Variants in ZNF787 observed in about 807,000 individuals in gnomAD.
ZNF787 encodes zinc finger protein 787.
A neutral mutation model predicts 16.9 loss-of-function variants in ZNF787; 7 were observed. The ratio of observed to expected loss-of-function variants is 0.42; its 90% CI spans 0.24 to 0.78. The LOEUF (loss-of-function observed/expected upper bound fraction) is 0.78, where lower values mean the gene tolerates loss of function less well. ZNF787 is among the 30% of genes least tolerant of loss of function. ZNF787 has a pLI of 0.30. For missense variants in ZNF787, 551 were observed against 589.3 expected (o/e 0.94, Z 0.67); for synonymous variants, 345 against 270.9 (o/e 1.27, Z -2.69).
At chr19:56,093,458 C>G (rs1000831436) in intron 2 of ZNF787, among the ~76,000 whole-genome samples, 10 of 152,142 alleles carry the variant, frequency 6.6e-5, no homozygotes, top group African/African-American at 2.4e-4. Context: ...CTGTGCTGCA[C>G]GCACCGTCCT....
chr19:56,107,151 C>T (rs1986355480), intron 1 of ZNF787, among the ~76,000 whole-genome samples: 1 of 152,084 alleles, frequency 6.6e-6, no homozygotes. Flanking sequence ...AGATTGGGGT[C>T]CATGATAGCC....
intron 2 of ZNF787, among the ~76,000 whole-genome samples, chr19:56,101,432 G>A (rs909562853): frequency 6.6e-6 from 1 of 152,252 alleles, no homozygotes; most frequent in Non-Finnish European, 1.5e-5. Context: ...GGGCTGGGCA[G>A]GGCAGCGGGC....
At chr19:56,119,816 G>A (rs962243992) in intron 1 of ZNF787, among the ~76,000 whole-genome samples, 1 of 152,258 alleles carries the variant, frequency 6.6e-6, no homozygotes, top group African/African-American at 2.4e-5. Context: ...CTGCGCAGAG[G>A]CAGGCAGGTG....
intron 1 of ZNF787, among the ~76,000 whole-genome samples, chr19:56,112,894 C>G (rs2123426931): frequency 6.7e-6 from 1 of 148,758 alleles, no homozygotes; most frequent in African/African-American, 2.5e-5. Context: ...CACCCCACCC[C>G]CTCCAGCACG....
At chr19:56,119,136 C>T (rs1404084276) in intron 1 of ZNF787, among the ~76,000 whole-genome samples, 2 of 152,172 alleles carry the variant, frequency 1.3e-5, no homozygotes, top group Non-Finnish European at 2.9e-5. Flanking sequence ...CACCACTCTA[C>T]CTTGTGCTTG....
chr19:56,112,564 C>A (rs1020742736), intron 1 of ZNF787, among the ~76,000 whole-genome samples: 3 of 151,572 alleles, frequency 2.0e-5, no homozygotes, highest in South Asian at 2.1e-4. Context: ...CTCCTCCCCC[C>A]GCACTCTCGG....
intron 2 of ZNF787, chr19:56,101,531 A>C (rs549853989): frequency 6.6e-6 from 1 of 152,422 alleles, no homozygotes; most frequent in African/African-American, 2.4e-5. Flanking sequence ...CTCAAAGACA[A>C]GCATTTTGGA....
chr19:56,103,274 G>A, intron 1 of ZNF787, 47 bp from the exon 2 acceptor site: 2 of 1,490,412 alleles, frequency 1.3e-6, no homozygotes, highest in South Asian at 2.7e-5. Flanking sequence ...TGGGGTGCCA[G>A]GCTGCACCGA....
chr19:56,093,505 G>A (rs1025123291), intron 2 of ZNF787, among the ~76,000 whole-genome samples: 2 of 152,110 alleles, frequency 1.3e-5, no homozygotes, highest in African/African-American at 4.8e-5. Flanking sequence ...CATCCCCTCC[G>A]TCAGGTGCAG....
At chr19:56,090,579 T>C (rs1985536254) in intron 2 of ZNF787, among the ~76,000 whole-genome samples, 1 of 152,020 alleles carries the variant, frequency 6.6e-6, no homozygotes, top group Admixed American at 6.6e-5. Context: ...CCCAGCACTT[T>C]AGGAGGCCGA....
intron 2 of ZNF787, chr19:56,101,650 A>G (rs1986102551): frequency 6.6e-6 from 1 of 152,126 alleles, no homozygotes; most frequent in South Asian, 2.1e-4. Flanking sequence ...TCTTTTTTTC[A>G]AGGAGTCCTT....
Position 56,088,205 on chromosome 19 carries a change from C to T in ZNF787, c.967G>A (p.Gly323Arg). The change falls in exon 3 of 3, where the codon GGG (glycine) becomes AGG (arginine). Residue 323 changes from glycine to arginine, a missense_variant. Physicochemically the swap from Gly to Arg is moderately radical, Grantham distance 125. Around this residue, in one of 4 missense-constraint regions of ZNF787, gnomAD observed 392 missense variants for 312.7 expected, o/e 1.25. Transcript: ENST00000610935. This position sits in a 1 kb window ranked among gnomAD's most constrained non-coding sequence, Gnocchi z 8.6. Reference sequence around the variant, plus strand: ...GCGGCGCCCTGCACGAAGCCCTCCCCGCACTCCACGCAGATGTGGGCCGGC... The same window carrying T: ...GCGGCGCCCTGCACGAAGCCCTCCCTGCACTCCACGCAGATGTGGGCCGGC... ...EEPAHICVECGEGFVQGAALR... is the reference protein window; with the variant it reads ...EEPAHICVECREGFVQGAALR... 6.5e-7 allele frequency: 1 copy of T among 1,530,330 alleles called. No individual in the cohort carries two copies. The highest frequency in any genetic ancestry group is 8.7e-7 in the Non-Finnish European group (1 of 1,144,778). The allele number at this position is 1,530,330 out of a possible 1,614,324, so 94.8% of individuals were successfully genotyped here. A position where few individuals can be genotyped will look rare whatever the true frequency, so the allele number is the denominator to read the frequency against.
At position 56,088,309 on chromosome 19, in the gene ZNF787, C is replaced by A. The variant is rs1985419080; in HGVS notation, c.863G>T (p.Gly288Val). ...KPYVCLECGK[G>V]FGHGAGLLAH... ...CAGGAGCCCGGCCCCGTGCCCGAAG[C>A]CCTTCCCGCACTCCAGACACACGTA... is the stretch of plus-strand genomic sequence containing the variant. Residue 288 changes from glycine to valine, a missense_variant, in exon 3 of 3, where the codon GGC becomes GTC. By Grantham distance (109) the Gly-to-Val change is moderately radical. Around this residue, in one of 4 missense-constraint regions of ZNF787, gnomAD observed 392 missense variants for 312.7 expected, o/e 1.25. Transcript: ENST00000610935. This position sits in a 1 kb window ranked among gnomAD's most constrained non-coding sequence, Gnocchi z 8.6. 1.5e-6 allele frequency: 2 copies of A among 1,333,070 alleles called. No individual in the cohort carries two copies. Among genetic ancestry groups the A allele is most frequent in the Non-Finnish European group, 1.9e-6 (2 of 1,045,106 alleles). The allele number at this position is 1,333,070 out of a possible 1,614,324, so 82.6% of individuals were successfully genotyped here. A position where few individuals can be genotyped will look rare whatever the true frequency, so the allele number is the denominator to read the frequency against.
intron 2 of ZNF787, among the ~76,000 whole-genome samples, chr19:56,094,375 T>A (rs61090677): frequency 2.6e-5 from 4 of 151,760 alleles, no homozygotes; most frequent in African/African-American, 9.7e-5. Flanking sequence ...GGTTTCTCCA[T>A]GTTGGCCAGG....
At chr19:56,112,463 G>T (rs2030008023) in intron 1 of ZNF787, among the ~76,000 whole-genome samples, 1 of 152,064 alleles carries the variant, frequency 6.6e-6, no homozygotes, top group Non-Finnish European at 1.5e-5. Context: ...TAGCACAAAT[G>T]ATTGTTATTA....
chr19:56,088,601 T>C lies in ZNF787; in HGVS notation c.571A>G (p.Lys191Glu). 3.3e-6 allele frequency: 5 copies of C among 1,518,746 alleles called. No homozygotes were observed. Among genetic ancestry groups the C allele is most frequent in the Non-Finnish European group, 8.8e-7 (1 of 1,140,230 alleles). 94.1% of individuals were successfully genotyped at this position (1,518,746 alleles called of 1,614,324 possible). ...PRCGRGFSQP[K>E]SLARHLRLHP... ...AGCCGCAGGTGACGCGCGAGGCTCT[T>C]GGGCTGGCTGAAGCCGCGGCCGCAG... is the stretch of plus-strand genomic sequence containing the variant. The change falls in exon 3 of 3, where the codon AAG (lysine) becomes GAG (glutamate). Residue 191 changes from lysine to glutamate, a missense_variant. Coordinates refer to ENST00000610935, the MANE Select transcript of ZNF787 (RefSeq NM_001002836.4). The surrounding 1 kb of genome is among the most constrained non-coding windows in gnomAD (Gnocchi z 8.6).
At chr19:56,115,239 A>T (rs1023777221) in intron 1 of ZNF787, among the ~76,000 whole-genome samples, 5 of 151,942 alleles carry the variant, frequency 3.3e-5, no homozygotes, top group Non-Finnish European at 7.4e-5. Flanking sequence ...ACATTCTCCT[A>T]GAGCACAGCC....
Position 56,087,996 on chromosome 19 carries a change from GCCCGCCCCCCCCCCCGGGCCCCTC to G in ZNF787, c.*3_*26del, listed in dbSNP as rs1985374514. The G allele has an allele frequency of 1.7e-6, 2 of 1,157,732 alleles. No individual in the cohort carries two copies. Among genetic ancestry groups the G allele is most frequent in the Admixed American group, 7.2e-5 (1 of 13,906 alleles). 71.7% of individuals were successfully genotyped at this position (1,157,732 alleles called of 1,614,324 possible). ...GCTCCCGCCAAGCCCGAGGGGCCCT[GCCCGCCCCCCCCCCCGGGCCCCTC>G]CCCTACCGGCCCTCCCCACCGCGGC... On this transcript the variant is annotated 3_prime_UTR_variant, in exon 3 of 3. Transcript: ENST00000610935.
At chr19:56,107,950 G>A (rs1245965975) in intron 1 of ZNF787, among the ~76,000 whole-genome samples, 1 of 152,162 alleles carries the variant, frequency 6.6e-6, no homozygotes, top group East Asian at 1.9e-4. Context: ...TACCTGCCGG[G>A]AGGACTGCGA....
Sources: gnomAD v4.1 joint callset for allele counts (sites outside exome capture counted in the v4.1 genomes callset) on GRCh38, gnomAD v4.1.1 for gene constraint, gnomAD v4.1.1 regional missense constraint, Gnocchi (gnomAD v3.1) non-coding constraint, MANE v1.5 for transcripts, NCBI Gene and HGNC (gene_info 2026-07-23, HGNC 2026-07-21) for gene names.